Variants in SHISA6 observed in about 807,000 individuals in gnomAD.
SHISA6 encodes shisa family member 6, also known as protein shisa-6.
A neutral mutation model predicts 47.9 loss-of-function variants in SHISA6; 22 were observed. The observed-to-expected ratio is 0.46, with a 90% CI of 0.33 to 0.66. The LOEUF is 0.66. Among genes scored for constraint, SHISA6 ranks in the 30% least tolerant of loss-of-function variants. The pLI is 0.02. For missense variants in SHISA6, 680 were observed against 764.6 expected (o/e 0.89, Z 1.30); for synonymous variants, 388 against 337.8 (o/e 1.15, Z -1.63).
At chr17:11,347,835 G>C (rs1366320096) in intron 2 of SHISA6, among the ~76,000 whole-genome samples, 1 of 152,108 alleles carries the variant, frequency 6.6e-6, no homozygotes, top group African/African-American at 2.4e-5. Flanking sequence ...GACAGCTGAG[G>C]TCACTCAGAG....
intron 2 of SHISA6, among the ~76,000 whole-genome samples, chr17:11,365,312 C>T (rs770240961): frequency 1.3e-5 from 2 of 152,084 alleles, no homozygotes; most frequent in African/African-American, 4.8e-5. Flanking sequence ...GAGTCTCACT[C>T]TGTTACCCAG....
chr17:11,449,622 A>G lies in SHISA6; in HGVS notation c.895+70113A>G, dbSNP rs79090413. Among the ~76,000 whole-genome samples, 377 of 152,294 alleles carry G rather than the reference A, an allele frequency of 2.5e-3. 16 individuals are homozygous for G. The East Asian group carries it at 0.061, about 25-fold the overall frequency. ...GAGAAATCAACCAAGGAAGGAAAGA[A>G]ATAGTGTCTTGGTGTGCTAAGCCTA... On this transcript the variant is annotated intron_variant, in intron 3 of 5. Transcript: ENST00000441885.
intron 3 of SHISA6, among the ~76,000 whole-genome samples, chr17:11,410,494 A>G (rs1435652669): frequency 6.6e-6 from 1 of 152,230 alleles, no homozygotes; most frequent in African/African-American, 2.4e-5. Flanking sequence ...ATTCAGGTCC[A>G]ATTAGAGTTA....
At chr17:11,514,890 T>C (rs931202488) in intron 3 of SHISA6, among the ~76,000 whole-genome samples, 3 of 152,202 alleles carry the variant, frequency 2.0e-5, no homozygotes, top group Non-Finnish European at 2.9e-5. Context: ...CTTATCTCCA[T>C]TCCAGGGGTC....
At chr17:11,323,655 AAAAT>A (rs1597458236) in intron 2 of SHISA6, among the ~76,000 whole-genome samples, 3 of 128,114 alleles carry the variant, frequency 2.3e-5, no homozygotes, top group East Asian at 2.2e-4. Flanking sequence ...CTGTGTCTCA[AAAAT>A]AAATAAATAA....
rs976328447 is a variant in SHISA6 at position 11,557,821 on chromosome 17, C to T, written c.1173C>T (p.Thr391=). ...RHLPDLAARG[T]LPLNVIQMSQ... ...TGCCCGACCTGGCTGCCCGCGGCAC[C>T]CTCCCCCTCAATGTCATCCAGATGT... Residue 391 remains threonine (T), a synonymous_variant, in exon 6 of 6, where the codon ACC becomes ACT. Coordinates refer to ENST00000441885, the MANE Select transcript of SHISA6 (RefSeq NM_207386.4). 4 of 1,551,252 alleles carry T rather than the reference C, an allele frequency of 2.6e-6. No individual in the cohort carries two copies. In the African/African-American group the frequency reaches 4.1e-5, roughly 16 times the overall value.
chr17:11,454,152 C>G (rs867597936), intron 3 of SHISA6, among the ~76,000 whole-genome samples: 13 of 152,290 alleles, frequency 8.5e-5, no homozygotes, highest in African/African-American at 2.9e-4. Context: ...ACCTGGCAAT[C>G]ATTCTTTATC....
chr17:11,510,352 T>C (rs2071531925), intron 3 of SHISA6, among the ~76,000 whole-genome samples: 2 of 152,154 alleles, frequency 1.3e-5, no homozygotes, highest in Admixed American at 1.3e-4. Flanking sequence ...TCCTGGGTCC[T>C]GGGTAGGGGG....
chr17:11,451,865 G>A (rs540325287), intron 3 of SHISA6, among the ~76,000 whole-genome samples: 7 of 152,366 alleles, frequency 4.6e-5, no homozygotes, highest in East Asian at 1.9e-4. Flanking sequence ...GTTGACCATC[G>A]GTGAGGAAGA....
intron 3 of SHISA6, among the ~76,000 whole-genome samples, chr17:11,487,806 A>C (rs1916388762): frequency 6.6e-6 from 1 of 152,034 alleles, no homozygotes; most frequent in Non-Finnish European, 1.5e-5. Flanking sequence ...CTGGAGTCTA[A>C]GTCTTAGGGA....
chr17:11,331,120 A>G (rs1227418960), intron 2 of SHISA6, among the ~76,000 whole-genome samples: 1 of 152,200 alleles, frequency 6.6e-6, no homozygotes, highest in African/African-American at 2.4e-5. Context: ...TAACTCTCCC[A>G]GGGTGATCGG....
intron 3 of SHISA6, among the ~76,000 whole-genome samples, chr17:11,457,575 C>CAA (rs56253032): frequency 4.4e-5 from 6 of 137,380 alleles, no homozygotes; most frequent in African/African-American, 1.3e-4. Context: ...ACTAAAAATG[C>CAA]AAAAAAAAAA....
chr17:11,531,209 CTCTGTGTGTGTGTGTGTGTGTG>C (rs1456960550), intron 3 of SHISA6, among the ~76,000 whole-genome samples: 1 of 132,522 alleles, frequency 7.5e-6, no homozygotes, highest in Non-Finnish European at 1.6e-5. Flanking sequence ...CAGGTTACTA[CTCTGTGTGTGTGTGTGTGTGTG>C]TGTGTGTGTG....
rs1020692878 is a variant in SHISA6, at chr17:11,532,999, C to T, written c.896-18897C>T. On this transcript the variant is annotated intron_variant, in intron 3 of 5. Coordinates refer to ENST00000441885, the MANE Select transcript of SHISA6 (RefSeq NM_207386.4). The stretch of plus-strand genomic sequence containing the variant: ...CAGACTGCGTGAGTGTAAACAGCCA[C>T]TTTGGGTTGTGTTGCCTTTGCTGCT... 1.8e-4 allele frequency among the ~76,000 whole-genome samples: 27 copies of T among 152,266 alleles called. 1 individual carries two copies. Among genetic ancestry groups the T allele is most frequent in the Middle Eastern group, 6.8e-3 (2 of 294 alleles).
intron 2 of SHISA6, among the ~76,000 whole-genome samples, chr17:11,320,251 T>C (rs1910665544): frequency 6.6e-6 from 1 of 152,240 alleles, no homozygotes; most frequent in South Asian, 2.1e-4. Context: ...GCTTTGATGC[T>C]TAACAATTAA....
chr17:11,515,303 GAAGA>G (rs1277958947), intron 3 of SHISA6, among the ~76,000 whole-genome samples: 1 of 133,154 alleles, frequency 7.5e-6, no homozygotes, highest in Non-Finnish European at 1.6e-5. Flanking sequence ...AAAGAGGAAG[GAAGA>G]AAGAAAAAGG....
intron 3 of SHISA6, among the ~76,000 whole-genome samples, chr17:11,503,771 A>G (rs1225636431): frequency 1.3e-5 from 2 of 152,132 alleles, no homozygotes; most frequent in African/African-American, 2.4e-5. Context: ...TCTGTATCCT[A>G]TGCTGTTTCA....
In SHISA6 at chr17:11,561,754, G is replaced by C. The variant is rs573467687; in HGVS notation, c.*3450G>C. On this transcript the variant is annotated 3_prime_UTR_variant, in exon 6 of 6. Transcript: ENST00000441885. ...CCTCCATTCCTAATTTCTTTTCCCT[G>C]GTCTTGCTATAATCTCCAGCTCTAA... 6.6e-6 allele frequency: 1 copy of C among 152,162 alleles called. No individual in the cohort carries two copies. The highest frequency in any genetic ancestry group is 1.9e-4 in the East Asian group (1 of 5,154). The allele number at this position is 152,162 out of a possible 1,614,324, so 9.4% of individuals were successfully genotyped here. A position where few individuals can be genotyped will look rare whatever the true frequency, so the allele number is the denominator to read the frequency against.
chr17:11,491,179 C>A (rs1042504457), intron 3 of SHISA6, among the ~76,000 whole-genome samples: 1 of 152,182 alleles, frequency 6.6e-6, no homozygotes, highest in Non-Finnish European at 1.5e-5. Context: ...CTGTAACTCA[C>A]TGAATGACCT....
Sources: allele counts gnomAD v4.1 joint callset (sites outside exome capture counted in the v4.1 genomes callset), GRCh38; gene constraint gnomAD v4.1.1; transcripts MANE v1.5; gene names NCBI Gene and HGNC (gene_info 2026-07-23, HGNC 2026-07-21).